Variants in ATP8A2 observed in about 807,000 individuals in gnomAD.
ATP8A2 encodes phospholipid-transporting ATPase IB.
ATP8A2 carries 100 observed loss-of-function variants against 165.6 expected under a neutral mutation model. The ratio of observed to expected loss-of-function variants is 0.60; its 90% CI spans 0.51 to 0.71. The LOEUF is 0.71. Among genes scored for constraint, ATP8A2 ranks in the 30% least tolerant of loss-of-function variants. The pLI, the probability that ATP8A2 is intolerant of heterozygous loss-of-function variation, is 0.00. For missense variants in ATP8A2, 1,227 were observed against 1,479.5 expected (o/e 0.83, Z 2.80); for synonymous variants, 543 against 548.8 (o/e 0.99, Z 0.15).
At position 25,953,785 on chromosome 13, in the gene ATP8A2, T is replaced by C. The variant is rs1002065024; in HGVS notation, c.3184-7790T>C. 2.6e-5 allele frequency among the ~76,000 whole-genome samples: 4 copies of C among 152,070 alleles called. No individual in the cohort carries two copies. The highest frequency in any genetic ancestry group is 9.7e-5 in the African/African-American group (4 of 41,418). On this transcript the variant is annotated intron_variant, in intron 33 of 36. Coordinates refer to ENST00000381655, the MANE Select transcript of ATP8A2 (RefSeq NM_016529.6). This position sits in a 1 kb window ranked among gnomAD's most constrained non-coding sequence, Gnocchi z 6.7. ...TCCCTCCCCTAGCCGAGGGAAGCCG[T>C]GAGGGACTGTGCTGTAAGGAACCAT...
chr13:25,940,678 C>T (rs943895782), intron 33 of ATP8A2, among the ~76,000 whole-genome samples: 2 of 152,206 alleles, frequency 1.3e-5, no homozygotes, highest in African/African-American at 2.4e-5. Context: ...AGCCTTTGCC[C>T]ACCGTGTGCT....
chr13:25,599,021 T>C (rs900836646), intron 24 of ATP8A2, among the ~76,000 whole-genome samples: 25 of 150,466 alleles, frequency 1.7e-4, no homozygotes, highest in African/African-American at 6.0e-4. Context: ...CAATCATGCA[T>C]GAGCCCTGGG....
intron 33 of ATP8A2, among the ~76,000 whole-genome samples, chr13:25,929,352 A>G (rs1954699568): frequency 6.6e-6 from 1 of 152,166 alleles, no homozygotes; most frequent in South Asian, 2.1e-4. Flanking sequence ...AGCAAGAGGA[A>G]AGGTGGCCCA....
chr13:25,761,211 G>A (rs1785933216), intron 25 of ATP8A2, among the ~76,000 whole-genome samples: 2 of 152,058 alleles, frequency 1.3e-5, no homozygotes, highest in South Asian at 4.2e-4. Flanking sequence ...AGTACATCTG[G>A]GCTCTTACAT....
rs569780382 is a variant in ATP8A2 at position 25,531,329 on chromosome 13, T to C, written c.420+669T>C. 6.7e-5 allele frequency among the ~76,000 whole-genome samples: 9 copies of C among 133,832 alleles called. No homozygotes were observed. The East Asian group carries it at 1.9e-3, about 29-fold the overall frequency. The allele number at this position is 133,832 out of a possible 152,430, so 87.8% of individuals were successfully genotyped here. On this transcript the variant is annotated intron_variant, in intron 4 of 36. Transcript: ENST00000381655. ...TATGATATATATGTTATATATGATA[T>C]ATATATGTTATATATGATATATATG...
intron 1 of ATP8A2, among the ~76,000 whole-genome samples, chr13:25,424,142 C>A (rs2034377662): frequency 6.6e-6 from 1 of 152,188 alleles, no homozygotes; most frequent in Non-Finnish European, 1.5e-5. Context: ...CTGTGACATG[C>A]TCAGGAGAAG....
At chr13:25,751,419 A>C (rs1020621639) in intron 25 of ATP8A2, among the ~76,000 whole-genome samples, 2 of 152,050 alleles carry the variant, frequency 1.3e-5, no homozygotes, top group African/African-American at 4.8e-5. Context: ...GAAACCTTGA[A>C]GTGTTTTTAT....
chr13:25,375,039 T>C (rs895093411), intron 1 of ATP8A2, among the ~76,000 whole-genome samples: 3 of 152,230 alleles, frequency 2.0e-5, no homozygotes, highest in Admixed American at 2.0e-4. Flanking sequence ...AATTGCACTT[T>C]GATCAGTTTT....
chr13:25,646,204 G>A (rs1365709678), intron 24 of ATP8A2, among the ~76,000 whole-genome samples: 1 of 152,042 alleles, frequency 6.6e-6, no homozygotes, highest in Non-Finnish European at 1.5e-5. Context: ...TACTTATAAA[G>A]TCTGTTTTGT....
intron 33 of ATP8A2, among the ~76,000 whole-genome samples, chr13:25,911,193 C>T (rs1207374605): frequency 6.6e-6 from 1 of 152,088 alleles, no homozygotes. Flanking sequence ...ATTGGTTGGG[C>T]CTGGCTTGGA....
chr13:25,628,719 C>A (rs7331905), intron 24 of ATP8A2, among the ~76,000 whole-genome samples: 5,509 of 152,240 alleles, frequency 0.036, 343 homozygotes, highest in African/African-American at 0.13. Flanking sequence ...GTCACCTTCC[C>A]TCTGTATATG....
intron 24 of ATP8A2, among the ~76,000 whole-genome samples, chr13:25,628,866 T>G (rs949905841): frequency 5.3e-5 from 8 of 152,192 alleles, no homozygotes; most frequent in Non-Finnish European, 1.2e-4. Flanking sequence ...TACTGGGGGT[T>G]AGGACTCCAA....
At chr13:25,982,629 T>A (rs1057215361) in intron 35 of ATP8A2, among the ~76,000 whole-genome samples, 9 of 152,216 alleles carry the variant, frequency 5.9e-5, no homozygotes, top group Middle Eastern at 3.2e-3. Flanking sequence ...CCATAAACTA[T>A]GTGATTGCAA....
At chr13:25,630,455 T>C (rs2041214599) in intron 24 of ATP8A2, among the ~76,000 whole-genome samples, 1 of 152,168 alleles carries the variant, frequency 6.6e-6, no homozygotes, top group Non-Finnish European at 1.5e-5. Flanking sequence ...TTTCACCATG[T>C]CAGTTTTCCC....
At chr13:25,949,497 C>G (rs1239326694) in intron 33 of ATP8A2, among the ~76,000 whole-genome samples, 3 of 152,212 alleles carry the variant, frequency 2.0e-5, no homozygotes, top group Non-Finnish European at 4.4e-5. Flanking sequence ...TCTTGGCTTT[C>G]TATGTAACCA....
At position 25,916,822 on chromosome 13, in the gene ATP8A2, A is replaced by G. The variant is rs113491872; in HGVS notation, c.3184-44753A>G. 9.2e-3 allele frequency among the ~76,000 whole-genome samples: 1,402 copies of G among 152,056 alleles called. 29 individuals are homozygous for G. The highest frequency in any genetic ancestry group is 0.032 in the African/African-American group (1,313 of 41,396). ...AGTGTTACACTGTGGTTGTATTTGTAAATTAGTTTGCTTCTCTTCTTTCTG... is the reference window on the plus strand; with the variant it reads ...AGTGTTACACTGTGGTTGTATTTGTGAATTAGTTTGCTTCTCTTCTTTCTG... On this transcript the variant is annotated intron_variant, in intron 33 of 36. Transcript: ENST00000381655.
chr13:26,008,826 A>C (rs1956790748), intron 35 of ATP8A2, among the ~76,000 whole-genome samples: 1 of 152,210 alleles, frequency 6.6e-6, no homozygotes, highest in South Asian at 2.1e-4. Context: ...TTATTGAAGA[A>C]GGGGGTTAAA....
chr13:25,710,336 C>A (rs926442578), intron 25 of ATP8A2, among the ~76,000 whole-genome samples: 3 of 152,044 alleles, frequency 2.0e-5, no homozygotes, highest in Non-Finnish European at 4.4e-5. Flanking sequence ...CTATAGGTGT[C>A]CTGTTGTGCT....
chr13:25,889,245 C>CATATATAT (rs200723564), intron 33 of ATP8A2, among the ~76,000 whole-genome samples: 1,837 of 109,852 alleles, frequency 0.017, 54 homozygotes, highest in East Asian at 0.057. Context: ...CATCCTTTGT[C>CATATATAT]ATATATATAT....
Sources: allele counts gnomAD v4.1 joint callset (sites outside exome capture counted in the v4.1 genomes callset), GRCh38; gene constraint gnomAD v4.1.1; non-coding constraint Gnocchi (gnomAD v3.1); transcripts MANE v1.5; gene names NCBI Gene and HGNC (gene_info 2026-07-23, HGNC 2026-07-21).